Variants in CLCN1 observed in about 807,000 individuals in gnomAD.
The protein encoded by CLCN1 is chloride channel protein 1.
In CLCN1, 100 loss-of-function variants were observed where a neutral mutation model predicts 114.5. The ratio of observed to expected loss-of-function variants is 0.87; its 90% CI spans 0.74 to 1.03. The LOEUF (loss-of-function observed/expected upper bound fraction) is 1.03. CLCN1 is among the 50% of genes least tolerant of loss of function. The pLI, the probability that CLCN1 is intolerant of heterozygous loss-of-function variation, is 0.00. For synonymous variants in CLCN1, 485 were observed against 487.1 expected (o/e 1.00, Z 0.06); for missense variants, 1,188 against 1,250.0 (o/e 0.95, Z 0.75).
chr7:143,342,333 T>C (rs1803102405), intron 15 of CLCN1, 39 bp from the exon 16 acceptor site: 1 of 1,611,840 alleles, frequency 6.2e-7, no homozygotes, highest in Non-Finnish European at 8.5e-7. Context: ...GGGATAGGTA[T>C]ACGGTGGGGC....
At chr7:143,341,903 A>G in intron 14 of CLCN1, 26 bp from the exon 15 acceptor site, 1 of 1,591,814 alleles carries the variant, frequency 6.3e-7, no homozygotes, top group Middle Eastern at 2.2e-4. Context: ...GCCCTAACCT[A>G]CAGGCGTATT....
chr7:143,338,995 C>T (rs905536600), intron 12 of CLCN1, among the ~76,000 whole-genome samples: 3 of 152,122 alleles, frequency 2.0e-5, no homozygotes, highest in African/African-American at 7.2e-5. Flanking sequence ...TGCTGAAAGG[C>T]AAATACAGGC....
At position 143,342,110 on chromosome 7, in the gene CLCN1, C is replaced by T. The variant is rs1803095278; in HGVS notation, c.1764C>T (p.Pro588=). Residue 588 remains proline, a synonymous_variant, in exon 15 of 23, where the codon CCC becomes CCT. Coordinates refer to ENST00000343257, the MANE Select transcript of CLCN1 (RefSeq NM_000083.3). ...GCATCATCCAGGTCAAGAAGCTACC[C>T]TACTTGCCTGACCTTGGCTGGAACC... ...YDSIIQVKKL[P]YLPDLGWNQL... 6.2e-7 allele frequency: 1 copy of T among 1,614,070 alleles called. No individual in the cohort carries two copies.
chr7:143,345,549 G>A lies in CLCN1; in HGVS notation c.1959G>A (p.Glu653=). 6.5e-7 allele frequency: 1 copy of A among 1,540,534 alleles called. No individual in the cohort carries two copies. Residue 653 remains glutamate, a synonymous_variant, in exon 17 of 23, where the codon GAG becomes GAA. Coordinates refer to ENST00000343257, the MANE Select transcript of CLCN1 (RefSeq NM_000083.3). ...CAATGATCCTGCTGGGCTCGGTGGA[G>A]CGGTCGGAACTGCAGGCCCTCCTGC... ...KDSMILLGSV[E]RSELQALLQR... is the part of the protein sequence containing the mutation.
At chr7:143,327,855 A>T (rs2367939) in intron 7 of CLCN1, among the ~76,000 whole-genome samples, 130,623 of 151,574 alleles carry the variant, frequency 0.86, 56,621 homozygotes, top group Admixed American at 0.93. Flanking sequence ...AGGTTTTTCC[A>T]TGTTGGCCAG....
Position 143,327,715 on chromosome 7 carries a change from C to T in CLCN1, c.854-3057C>T, listed in dbSNP as rs113749010. Among the ~76,000 whole-genome samples, 776 of 152,186 alleles carry T rather than the reference C, an allele frequency of 5.1e-3. 9 individuals are homozygous for T. Among genetic ancestry groups the T allele is most frequent in the African/African-American group, 0.018 (746 of 41,520 alleles). On this transcript the variant is annotated intron_variant, in intron 7 of 22. Transcript: ENST00000343257. ...TGTGGCCCAGGCTGGAGTGCAGTGG[C>T]GCAATTTTGGCTCACTGCAACCTCT...
intron 7 of CLCN1, among the ~76,000 whole-genome samples, chr7:143,327,989 G>A (rs1802618420): frequency 6.6e-6 from 1 of 152,210 alleles, no homozygotes; most frequent in African/African-American, 2.4e-5. Context: ...TAAAAGAGAG[G>A]AGGGATCTAG....
intron 12 of CLCN1, among the ~76,000 whole-genome samples, chr7:143,334,396 C>A (rs1802815859): frequency 6.6e-6 from 1 of 151,990 alleles, no homozygotes; most frequent in African/African-American, 2.4e-5. Flanking sequence ...ATTTATGATA[C>A]CTTTTATAAA....
At chr7:143,317,583 T>TTTG (rs530557511) in intron 1 of CLCN1, among the ~76,000 whole-genome samples, 156 of 151,868 alleles carry the variant, frequency 1.0e-3, no homozygotes, top group Middle Eastern at 6.8e-3. Context: ...TTCTTTCTTT[T>TTTG]TTTTTTTTTT....
intron 16 of CLCN1, among the ~76,000 whole-genome samples, chr7:143,343,767 C>T (rs1163660800): frequency 2.0e-5 from 3 of 148,024 alleles, no homozygotes; most frequent in African/African-American, 7.5e-5. Context: ...TCTCTCCCTC[C>T]CTCTTTCCCT....
chr7:143,342,568 A>G, intron 16 of CLCN1, 63 bp downstream of exon 16: 1 of 1,570,570 alleles, frequency 6.4e-7, no homozygotes, highest in Admixed American at 1.7e-5. Flanking sequence ...ACATAGAGGT[A>G]GAGGAGGCCC....
Position 143,339,979 on chromosome 7 carries a change from C to T in CLCN1, c.1582+358C>T, listed in dbSNP as rs564326721. Among the ~76,000 whole-genome samples the T allele has an allele frequency of 3.3e-5, 5 of 152,174 alleles. No homozygotes were observed. Among genetic ancestry groups the T allele is most frequent in the Admixed American group, 1.3e-4 (2 of 15,290 alleles). ...TGCAGGTGATTGACTCAACCTGAGACGTGTTGATATTGATGGGTAGTTAAG... is the reference window on the plus strand; with the variant it reads ...TGCAGGTGATTGACTCAACCTGAGATGTGTTGATATTGATGGGTAGTTAAG... On this transcript the variant is annotated intron_variant, in intron 14 of 22. Coordinates refer to ENST00000343257, the MANE Select transcript of CLCN1 (RefSeq NM_000083.3). The surrounding 1 kb of genome is among the most constrained non-coding windows in gnomAD (Gnocchi z 4.1).
intron 12 of CLCN1, among the ~76,000 whole-genome samples, chr7:143,336,438 T>C (rs966007403): frequency 6.6e-6 from 1 of 151,684 alleles, no homozygotes; most frequent in African/African-American, 2.4e-5. Flanking sequence ...GGCAAAACCC[T>C]GTCTCAACTA....
In CLCN1 at chr7:143,324,563, T is replaced by C. The variant is rs1802531717; in HGVS notation, c.853+71T>C. ...GCTCCCAAAACAGTTTTAATCAGTA[T>C]CCACAAGTGCTGGTATTACCAGGTT... On this transcript the variant is annotated intron_variant, in intron 7 of 22. Coordinates refer to ENST00000343257, the MANE Select transcript of CLCN1 (RefSeq NM_000083.3). This position sits in a 1 kb window ranked among gnomAD's most constrained non-coding sequence, Gnocchi z 4.6. 8.8e-7 allele frequency: 1 copy of C among 1,136,224 alleles called. No homozygotes were observed. Among genetic ancestry groups the C allele is most frequent in the African/African-American group, 1.5e-5 (1 of 65,678 alleles). 70.4% of individuals were successfully genotyped at this position (1,136,224 alleles called of 1,614,324 possible). A position where few individuals can be genotyped will look rare whatever the true frequency, so the allele number is the denominator to read the frequency against.
At chr7:143,333,951 T>C (rs77147509) in intron 12 of CLCN1, among the ~76,000 whole-genome samples, 2 of 152,228 alleles carry the variant, frequency 1.3e-5, no homozygotes, top group East Asian at 3.9e-4. Context: ...CAGTGGCTGA[T>C]GCCTATATTC....
intron 3 of CLCN1, 35 bp downstream of exon 3, chr7:143,320,830 T>G (rs1022848481): frequency 8.7e-6 from 14 of 1,613,384 alleles, no homozygotes; most frequent in Non-Finnish European, 1.2e-5. Context: ...CACAGCCGTT[T>G]CTGGAGTTTC....
intron 12 of CLCN1, among the ~76,000 whole-genome samples, chr7:143,335,413 G>C (rs958288473): frequency 6.6e-6 from 1 of 152,000 alleles, no homozygotes; most frequent in African/African-American, 2.4e-5. Flanking sequence ...TAATATTTAC[G>C]AACATAAAAC....
chr7:143,339,111 G>C lies in CLCN1; in HGVS notation c.1402-142G>C, dbSNP rs1803005033. 1 of 758,616 alleles carries C rather than the reference G, an allele frequency of 1.3e-6. No homozygotes were observed. The allele number at this position is 758,616 out of a possible 1,614,324, so 47.0% of individuals were successfully genotyped here. A position where few individuals can be genotyped will look rare whatever the true frequency, so the allele number is the denominator to read the frequency against. The stretch of plus-strand genomic sequence containing the variant: ...AGCTCTATGGCTTTTGTTTCTGGAA[G>C]AAGGGTGACAGACAAAGTGACTTTC... On this transcript the variant is annotated intron_variant, in intron 12 of 22. Coordinates refer to ENST00000343257, the MANE Select transcript of CLCN1 (RefSeq NM_000083.3). This position sits in a 1 kb window ranked among gnomAD's most constrained non-coding sequence, Gnocchi z 4.1.
At chr7:143,330,421 T>C (rs1324286416) in intron 7 of CLCN1, among the ~76,000 whole-genome samples, 1 of 152,134 alleles carries the variant, frequency 6.6e-6, no homozygotes, top group Non-Finnish European at 1.5e-5. Flanking sequence ...TTTTTTCAAC[T>C]ACCTTTTAGT....
Sources: gnomAD v4.1 joint callset for allele counts (sites outside exome capture counted in the v4.1 genomes callset) on GRCh38, gnomAD v4.1.1 for gene constraint, Gnocchi (gnomAD v3.1) non-coding constraint, MANE v1.5 for transcripts, NCBI Gene and HGNC (gene_info 2026-07-23, HGNC 2026-07-21) for gene names.